The following CLNK variants were observed in gnomAD, a reference collection of about 807,000 sequenced individuals.
CLNK encodes cytokine dependent hematopoietic cell linker.
In CLNK, 74 loss-of-function variants were observed where a neutral mutation model predicts 68.6. The ratio of observed to expected loss-of-function variants is 1.08; its 90% confidence interval spans 0.89 to 1.31. CLNK has a LOEUF of 1.31. Among genes scored for constraint, CLNK ranks in the 50% most tolerant of loss-of-function variants. CLNK has a pLI of 0.00. For synonymous variants in CLNK, 198 were observed against 172.2 expected (o/e 1.15, Z -1.17); for missense variants, 553 against 515.3 (o/e 1.07, Z -0.71).
chr4:10,633,418 A>G (rs1441927877), intron 2 of CLNK, among the ~76,000 whole-genome samples: 1 of 152,230 alleles, frequency 6.6e-6, no homozygotes, highest in Admixed American at 6.5e-5. Flanking sequence ...ATGCAAGCAC[A>G]GATTTATTGA....
At chr4:10,668,492 C>T (rs951390404) in intron 1 of CLNK, among the ~76,000 whole-genome samples, 1 of 152,124 alleles carries the variant, frequency 6.6e-6, no homozygotes, top group African/African-American at 2.4e-5. Flanking sequence ...CTCAAAGGCC[C>T]TGAGAGGTGT....
At chr4:10,610,870 C>A (rs1292936164) in intron 2 of CLNK, among the ~76,000 whole-genome samples, 1 of 151,782 alleles carries the variant, frequency 6.6e-6, no homozygotes, top group South Asian at 2.1e-4. Flanking sequence ...AGTAGACACC[C>A]CATAAATAGC....
At position 10,632,654 on chromosome 4, in the gene CLNK, C is replaced by A. The variant is rs146189380; in HGVS notation, c.12-34605G>T. Among the ~76,000 whole-genome samples, 814 of 152,278 alleles carry A rather than the reference C, an allele frequency of 5.3e-3. 10 individuals are homozygous for A. Among genetic ancestry groups the A allele is most frequent in the South Asian group, 0.021 (100 of 4,816 alleles). On this transcript the variant is annotated intron_variant, in intron 2 of 18. Transcript: ENST00000226951. ...CTAAATGCCATTGGTGCACATTGCC[C>A]CCCTTTTTAAACACAACAGACTTTC...
the CLNK span, among the ~76,000 whole-genome samples, chr4:10,698,054 TG>T: frequency 4.6e-5 from 7 of 152,186 alleles, no homozygotes; most frequent in Non-Finnish European, 7.3e-5. Flanking sequence ...GGGTAAAAGC[TG>T]CAATAAGCAG....
At chr4:10,517,456 A>T (rs1210130462) in intron 15 of CLNK, 2 of 152,224 alleles carry the variant, frequency 1.3e-5, no homozygotes, top group Admixed American at 6.5e-5. Flanking sequence ...CACTTCTAAC[A>T]TATAATGACA....
At chr4:10,495,625 C>G (rs1716771583) in intron 18 of CLNK, among the ~76,000 whole-genome samples, 1 of 152,106 alleles carries the variant, frequency 6.6e-6, no homozygotes, top group African/African-American at 2.4e-5. Flanking sequence ...TGTAGAAGAG[C>G]TAATACTATT....
At chr4:10,545,143 T>G (rs1207727874) in intron 8 of CLNK, among the ~76,000 whole-genome samples, 1 of 152,144 alleles carries the variant, frequency 6.6e-6, no homozygotes, top group Non-Finnish European at 1.5e-5. Flanking sequence ...CACATACAAA[T>G]ATATTCATTC....
chr4:10,516,003 A>G (rs1188870764), intron 15 of CLNK, among the ~76,000 whole-genome samples: 2 of 152,174 alleles, frequency 1.3e-5, no homozygotes, highest in African/African-American at 4.8e-5. Flanking sequence ...TATTTTCTCT[A>G]TATACCTCAA....
At chr4:10,663,845 T>G (rs1724288295) in intron 2 of CLNK, among the ~76,000 whole-genome samples, 1 of 152,176 alleles carries the variant, frequency 6.6e-6, no homozygotes, top group Admixed American at 6.5e-5. Flanking sequence ...AAAACTCCCG[T>G]GAAATGAGAT....
chr4:10,546,001 C>T (rs924637666), intron 8 of CLNK, among the ~76,000 whole-genome samples: 2 of 152,138 alleles, frequency 1.3e-5, no homozygotes, highest in African/African-American at 4.8e-5. Flanking sequence ...AGTCCTATCC[C>T]CTGAAACCTT....
At chr4:10,621,790 A>G (rs1722470679) in intron 2 of CLNK, among the ~76,000 whole-genome samples, 1 of 152,142 alleles carries the variant, frequency 6.6e-6, no homozygotes, top group African/African-American at 2.4e-5. Flanking sequence ...GTGCTGTGGA[A>G]TATTTTCCAG....
chr4:10,578,452 TA>T (rs1174060489), intron 4 of CLNK, among the ~76,000 whole-genome samples: 1 of 152,046 alleles, frequency 6.6e-6, no homozygotes, highest in Non-Finnish European at 1.5e-5. Context: ...TCATAAGATT[TA>T]AAAAAATCCT....
chr4:10,490,634 T>C (rs1312623309), intron 18 of CLNK, 21 bp from the exon 19 acceptor site: 4 of 1,545,130 alleles, frequency 2.6e-6, no homozygotes, highest in Non-Finnish European at 3.5e-6. Context: ...GAAAAGAAAG[T>C]TAATGACTTT....
intron 5 of CLNK, among the ~76,000 whole-genome samples, chr4:10,569,005 A>G (rs988776566): frequency 2.0e-5 from 3 of 152,202 alleles, no homozygotes; most frequent in Non-Finnish European, 4.4e-5. Context: ...ATGTGACACT[A>G]TCACAGTAAA....
At chr4:10,712,456 A>C in the CLNK span, among the ~76,000 whole-genome samples, 2 of 152,226 alleles carry the variant, frequency 1.3e-5, no homozygotes, top group African/African-American at 4.8e-5. Flanking sequence ...AGGCCAAACT[A>C]ACAATGGGAG....
At chr4:10,595,994 T>C (rs775761533) in intron 3 of CLNK, among the ~76,000 whole-genome samples, 4 of 152,214 alleles carry the variant, frequency 2.6e-5, no homozygotes, top group Admixed American at 1.3e-4. Context: ...AGAGATTCAA[T>C]AGTGAACATG....
intron 8 of CLNK, among the ~76,000 whole-genome samples, chr4:10,549,830 G>T (rs545432258): frequency 6.6e-6 from 1 of 152,340 alleles, no homozygotes; most frequent in African/African-American, 2.4e-5. Context: ...GAGAAGCCAG[G>T]CATGCTCTCC....
chr4:10,590,293 A>G (rs193011854), intron 3 of CLNK, among the ~76,000 whole-genome samples: 31 of 152,250 alleles, frequency 2.0e-4, no homozygotes, highest in Admixed American at 7.8e-4. Context: ...CCCCTCTTCC[A>G]CTTCTCTCTC....
chr4:10,629,201 T>C (rs1243416395), intron 2 of CLNK, among the ~76,000 whole-genome samples: 1 of 152,134 alleles, frequency 6.6e-6, no homozygotes, highest in Non-Finnish European at 1.5e-5. Flanking sequence ...AAAGCTATGG[T>C]CAGATACATT....
Sources: allele counts gnomAD v4.1 joint callset (sites outside exome capture counted in the v4.1 genomes callset), GRCh38; gene constraint gnomAD v4.1.1; transcripts MANE v1.5; gene names NCBI Gene and HGNC (gene_info 2026-07-23, HGNC 2026-07-21).